PTPRJ: variants seen among roughly 807,000 people sequenced by gnomAD.
PTPRJ encodes receptor-type tyrosine-protein phosphatase eta.
A neutral mutation model predicts 141.3 loss-of-function variants in PTPRJ; 129 were observed. The observed-to-expected ratio is 0.91, with a 90% CI of 0.79 to 1.06. The LOEUF is 1.06. Ranked by LOEUF, PTPRJ falls within the 50% of genes least tolerant of loss-of-function variation. The pLI is 0.00. For missense variants in PTPRJ, 1,601 were observed against 1,679.7 expected (o/e 0.95, Z 0.82); for synonymous variants, 610 against 640.5 (o/e 0.95, Z 0.72).
chr11:48,105,197 GC>G (rs1317991001), intron 1 of PTPRJ, among the ~76,000 whole-genome samples: 5 of 148,978 alleles, frequency 3.4e-5, no homozygotes, highest in Non-Finnish European at 7.4e-5. Context: ...CATCCCTCAA[GC>G]CCCTCCCTCC....
At chr11:48,090,052 G>A (rs914153764) in intron 1 of PTPRJ, among the ~76,000 whole-genome samples, 4 of 152,180 alleles carry the variant, frequency 2.6e-5, no homozygotes, top group Non-Finnish European at 5.9e-5. Context: ...GAAAATGTTG[G>A]AAAACACATT....
In PTPRJ at chr11:48,145,139, A is replaced by G. The variant is rs1857321076; in HGVS notation, c.2911+15A>G. ...CCAGGATCCAGGTAGGGAGAAGACA[A>G]CAGTCCTGGCACTGGTTCAGTGGCA... is the stretch of plus-strand genomic sequence containing the variant. On this transcript the variant is annotated intron_variant, in intron 14 of 24. Coordinates refer to ENST00000418331, the MANE Select transcript of PTPRJ (RefSeq NM_002843.4). The G allele has an allele frequency of 6.2e-7, 1 of 1,613,374 alleles. No individual in the cohort carries two copies.
chr11:48,068,748 G>A (rs114045508), intron 1 of PTPRJ, among the ~76,000 whole-genome samples: 2,555 of 152,294 alleles, frequency 0.017, 67 homozygotes, highest in African/African-American at 0.058. Context: ...TCCATGCACG[G>A]AATCTGGCCC....
At chr11:48,156,484 C>T (rs909339959) in intron 21 of PTPRJ, among the ~76,000 whole-genome samples, 20 of 151,842 alleles carry the variant, frequency 1.3e-4, no homozygotes, top group Admixed American at 3.9e-4. Context: ...TCTAAGCAAC[C>T]GGTGTCTTCA....
At chr11:48,040,285 G>A (rs12275949) in intron 1 of PTPRJ, among the ~76,000 whole-genome samples, 10,418 of 152,286 alleles carry the variant, frequency 0.068, 1,141 homozygotes, top group African/African-American at 0.23. Flanking sequence ...CTGTGTGCGC[G>A]CACATGCGTG....
intron 1 of PTPRJ, among the ~76,000 whole-genome samples, chr11:48,074,468 C>T (rs929408983): frequency 2.0e-5 from 3 of 152,168 alleles, no homozygotes; most frequent in East Asian, 1.9e-4. Flanking sequence ...TTCTAGGCAA[C>T]GATGCATTAT....
chr11:47,995,051 C>T (rs931169891), intron 1 of PTPRJ, among the ~76,000 whole-genome samples: 2 of 152,194 alleles, frequency 1.3e-5, no homozygotes, highest in Admixed American at 1.3e-4. Context: ...TTAGCTGTTG[C>T]ATCCATTCCA....
chr11:48,140,261 C>T (rs11039541), intron 11 of PTPRJ, among the ~76,000 whole-genome samples: 67,247 of 152,068 alleles, frequency 0.44, 17,919 homozygotes, highest in Non-Finnish European at 0.57. Flanking sequence ...AACTCCTGAC[C>T]TCAAGTGATC....
rs185485722 is a variant in PTPRJ, at chr11:47,990,708, C to T, written c.96+9700C>T. 5.7e-3 allele frequency among the ~76,000 whole-genome samples: 767 copies of T among 134,812 alleles called. 7 individuals are homozygous for T. The highest frequency in any genetic ancestry group is 0.021 in the African/African-American group (720 of 34,552). 88.4% of individuals were successfully genotyped at this position (134,812 alleles called of 152,430 possible). A position where few individuals can be genotyped will look rare whatever the true frequency, so the allele number is the denominator to read the frequency against. ...ATTTTTTTTTTTTTTTTTTTGGAGA[C>T]GGAGTCTCACCCAGTCACCCAGGCT... On this transcript the variant is annotated intron_variant, in intron 1 of 24. Coordinates refer to ENST00000418331, the MANE Select transcript of PTPRJ (RefSeq NM_002843.4).
chr11:48,055,691 G>T (rs1854735637), intron 1 of PTPRJ, among the ~76,000 whole-genome samples: 1 of 152,124 alleles, frequency 6.6e-6, no homozygotes, highest in Non-Finnish European at 1.5e-5. Context: ...TCCACCCTGG[G>T]GCTTCAGGGT....
chr11:48,168,934 A>T lies in PTPRJ; in HGVS notation c.*1572A>T, dbSNP rs1044708278. 4 of 152,146 alleles carry T rather than the reference A, an allele frequency of 2.6e-5. No homozygotes were observed. The highest frequency in any genetic ancestry group is 4.4e-5 in the Non-Finnish European group (3 of 68,034). The allele number at this position is 152,146 out of a possible 1,614,324, so 9.4% of individuals were successfully genotyped here. A position where few individuals can be genotyped will look rare whatever the true frequency, so the allele number is the denominator to read the frequency against. On this transcript the variant is annotated 3_prime_UTR_variant, in exon 25 of 25. Transcript: ENST00000418331. ...AGTTGACAAGGTTTTATGAAGGAAT[A>T]ACCAAGTCCCTGGAGTCCTGTGGCT...
intron 1 of PTPRJ, among the ~76,000 whole-genome samples, chr11:47,998,034 A>G (rs1196744877): frequency 6.6e-6 from 1 of 152,136 alleles, no homozygotes; most frequent in African/African-American, 2.4e-5. Context: ...ATGTGCACAC[A>G]ACCTATCAAG....
intron 1 of PTPRJ, among the ~76,000 whole-genome samples, chr11:48,082,258 C>T (rs938721957): frequency 1.3e-5 from 2 of 152,160 alleles, no homozygotes; most frequent in Non-Finnish European, 2.9e-5. Context: ...TATTTGGAGA[C>T]ATGGTCTTAC....
rs970615251 is a variant in PTPRJ, at chr11:48,024,278, A to G, written c.96+43270A>G. ...AATGGCGTGATCTTTGCTTATTTCA[A>G]CCTCCGCCTCCTGTGTTCAAGGAAT... On this transcript the variant is annotated intron_variant, in intron 1 of 24. Transcript: ENST00000418331. Among the ~76,000 whole-genome samples the G allele has an allele frequency of 2.6e-5, 4 of 151,770 alleles. No individual in the cohort carries two copies. In the East Asian group the frequency reaches 7.7e-4, roughly 29 times the overall value.
chr11:48,040,905 A>G (rs548941689), intron 1 of PTPRJ, among the ~76,000 whole-genome samples: 2 of 151,998 alleles, frequency 1.3e-5, no homozygotes, highest in Non-Finnish European at 2.9e-5. Flanking sequence ...CCCCTCTTAC[A>G]TTCTTTTCTT....
At chr11:48,132,868 C>G in intron 8 of PTPRJ, 1 of 325,502 alleles carries the variant, frequency 3.1e-6, no homozygotes, top group Non-Finnish European at 4.4e-6. Flanking sequence ...TAAAATGCAT[C>G]CCTCAGATGA....
At chr11:48,026,459 T>G (rs542270597) in intron 1 of PTPRJ, among the ~76,000 whole-genome samples, 1 of 151,214 alleles carries the variant, frequency 6.6e-6, no homozygotes, top group African/African-American at 2.4e-5. Flanking sequence ...TGAGCCTCAC[T>G]GGGGCTTGAC....
At chr11:48,046,912 ATTTTTTTTTTT>A (rs1217187387) in intron 1 of PTPRJ, among the ~76,000 whole-genome samples, 1 of 74,166 alleles carries the variant, frequency 1.3e-5, no homozygotes, top group South Asian at 4.1e-4. Context: ...ATATATATAT[ATTTTTTTTTTT>A]TTTTTTTTTT....
rs375208606 is a variant in PTPRJ, at chr11:48,009,624, A to G, written c.96+28616A>G. 3.7e-4 allele frequency among the ~76,000 whole-genome samples: 57 copies of G among 152,280 alleles called. No individual in the cohort carries two copies. The South Asian group carries it at 0.011, about 30-fold the overall frequency. On this transcript the variant is annotated intron_variant, in intron 1 of 24. Coordinates refer to ENST00000418331, the MANE Select transcript of PTPRJ (RefSeq NM_002843.4). ...AAAAAAATATTGGTTAAAGAAACAAACGTTAGACTTGAAGCCGTGCTTTAT... is the reference window on the plus strand; with the variant it reads ...AAAAAAATATTGGTTAAAGAAACAAGCGTTAGACTTGAAGCCGTGCTTTAT...
Sources: gnomAD v4.1 joint callset for allele counts (sites outside exome capture counted in the v4.1 genomes callset) on GRCh38, gnomAD v4.1.1 for gene constraint, MANE v1.5 for transcripts, NCBI Gene and HGNC (gene_info 2026-07-23, HGNC 2026-07-21) for gene names.